Variants in RASIP1 observed in about 807,000 individuals in gnomAD.
RASIP1 encodes Ras interacting protein 1.
A neutral mutation model predicts 85.3 loss-of-function variants in RASIP1; 20 were observed. The observed-to-expected ratio is 0.23, with a 90% CI of 0.17 to 0.34. RASIP1 has a LOEUF of 0.34. RASIP1 is among the 10% of genes least tolerant of loss of function. The pLI, the probability that RASIP1 is intolerant of heterozygous loss-of-function variation, is 1.00. For missense variants in RASIP1, 1,170 were observed against 1,390.9 expected (o/e 0.84, Z 2.53); for synonymous variants, 617 against 647.1 (o/e 0.95, Z 0.71).
In RASIP1 at chr19:48,724,133, C is replaced by T. The variant is rs573981296; in HGVS notation, c.2544+204G>A. The stretch of plus-strand genomic sequence containing the variant: ...TGGAAACTATTTTTAATAAGTTCCA[C>T]CAGGATTCAGACACAGCCGAGTTTA... On this transcript the variant is annotated intron_variant, in intron 10 of 11. Coordinates refer to ENST00000222145, the MANE Select transcript of RASIP1 (RefSeq NM_017805.3). The surrounding 1 kb of genome is among the most constrained non-coding windows in gnomAD (Gnocchi z 4.6). Among the ~76,000 whole-genome samples, 8 of 152,318 alleles carry T rather than the reference C, an allele frequency of 5.3e-5. No individual in the cohort carries two copies. In the South Asian group the frequency reaches 1.7e-3, roughly 32 times the overall value.
intron 4 of RASIP1, 116 bp from the exon 5 acceptor site, chr19:48,729,706 CTTCTTTTTTTTTTT>C: frequency 8.4e-6 from 5 of 594,096 alleles, no homozygotes; most frequent in Non-Finnish European, 1.1e-5. Flanking sequence ...TTTCCTTCTT[CTTCTTTTTTTTTTT>C]TTTTTTTTTT....
At chr19:48,732,111 G>A (rs890280607) in intron 4 of RASIP1, among the ~76,000 whole-genome samples, 12 of 148,612 alleles carry the variant, frequency 8.1e-5, no homozygotes, top group Admixed American at 4.8e-4. Context: ...TCTGTCATCA[G>A]ACTGGAGTGC....
chr19:48,735,843 T>G (rs1426745323), intron 3 of RASIP1, among the ~76,000 whole-genome samples: 3 of 151,860 alleles, frequency 2.0e-5, no homozygotes, highest in East Asian at 3.9e-4. Flanking sequence ...TCGCCCAGGC[T>G]GGAGTGCAGT....
At position 48,725,871 on chromosome 19, in the gene RASIP1, C is replaced by A. The variant is rs547158076; in HGVS notation, c.2128-911G>T. On this transcript the variant is annotated intron_variant, in intron 8 of 11. Transcript: ENST00000222145. ...CAGAAGGTGGTAATGGTGATGTTAC[C>A]AAGTAGTGAGGTCAGCCTGTCAAAA... 2.6e-5 allele frequency among the ~76,000 whole-genome samples: 4 copies of A among 151,558 alleles called. No homozygotes were observed. The East Asian group carries it at 7.7e-4, about 29-fold the overall frequency.
At chr19:48,728,547 C>T (rs1209119173) in intron 5 of RASIP1, among the ~76,000 whole-genome samples, 2 of 152,054 alleles carry the variant, frequency 1.3e-5, no homozygotes, top group Non-Finnish European at 2.9e-5. Flanking sequence ...GGGCGAACCA[C>T]GAGGTCAGGA....
At position 48,728,920 on chromosome 19, in the gene RASIP1, G is replaced by C. The variant is rs1439326885; in HGVS notation, c.1833+17C>G. ...TGGGGCGCTGGTGGGGCTGGACGGC[G>C]ATTGGGGGGCGCTCACCCAGACGGC... On this transcript the variant is annotated intron_variant, in intron 5 of 11. Coordinates refer to ENST00000222145, the MANE Select transcript of RASIP1 (RefSeq NM_017805.3). 6 of 1,433,858 alleles carry C rather than the reference G, an allele frequency of 4.2e-6. No homozygotes were observed. The highest frequency in any genetic ancestry group is 3.6e-6 in the Non-Finnish European group (4 of 1,103,914). The allele number at this position is 1,433,858 out of a possible 1,614,324, so 88.8% of individuals were successfully genotyped here.
Position 48,720,918 on chromosome 19 carries a change from T to C in RASIP1, c.2772A>G (p.Pro924=), listed in dbSNP as rs35799412. Residue 924 remains proline (P), a synonymous_variant, in exon 12 of 12, where the codon CCA becomes CCG. Coordinates refer to ENST00000222145, the MANE Select transcript of RASIP1 (RefSeq NM_017805.3). ...LGSSRLRLTG[P]VTDDALHREL... ...CACGGTGCAAGGCATCGTCCGTCAC[T>C]GGACCAGTGAGGCGCAGGCGCGAGC... The C allele has an allele frequency of 6.8e-6, 11 of 1,613,708 alleles. No homozygotes were observed. Among genetic ancestry groups the C allele is most frequent in the Non-Finnish European group, 9.3e-6 (11 of 1,179,950 alleles).
At chr19:48,733,593 G>A (rs56895832) in intron 4 of RASIP1, among the ~76,000 whole-genome samples, 2 of 151,926 alleles carry the variant, frequency 1.3e-5, no homozygotes, top group Non-Finnish European at 2.9e-5. Context: ...ATCACTTGAG[G>A]TCAGGAGTTC....
Position 48,735,557 on chromosome 19 carries a change from G to T in RASIP1, c.824-6C>A, listed in dbSNP as rs2033554865. ...CCACGAAGGGGCGCCGGTGCCTGCG[G>T]AGAGATGGAGAACAGTGAGGCTGAG... On this transcript the variant is annotated splice_polypyrimidine_tract_variant and splice_region_variant and intron_variant, in intron 3 of 11. Transcript: ENST00000222145. 6.5e-7 allele frequency: 1 copy of T among 1,527,626 alleles called. No homozygotes were observed. The highest frequency in any genetic ancestry group is 1.2e-5 in the South Asian group (1 of 82,312). The allele number at this position is 1,527,626 out of a possible 1,614,324, so 94.6% of individuals were successfully genotyped here. A position where few individuals can be genotyped will look rare whatever the true frequency, so the allele number is the denominator to read the frequency against.
At position 48,720,994 on chromosome 19, in the gene RASIP1, T is replaced by A. The variant is rs375759268; in HGVS notation, c.2696A>T (p.Asp899Val). Reference protein sequence around the residue: ...PAEREAVDTGDIFESFSSHPP... With the variant: ...PAEREAVDTGVIFESFSSHPP... ...GTGCGAGGAGAAGCTTTCGAAGATGTCCCCTGTGAGGCCGAAGGCGGCGCG... is the reference window on the plus strand; with the variant it reads ...GTGCGAGGAGAAGCTTTCGAAGATGACCCCTGTGAGGCCGAAGGCGGCGCG... The change falls in exon 12 of 12, where the codon GAC becomes GTC. Residue 899 changes from aspartate to valine, a missense_variant. Transcript: ENST00000222145. 2 of 1,596,990 alleles carry A rather than the reference T, an allele frequency of 1.3e-6. No individual in the cohort carries two copies. Among genetic ancestry groups the A allele is most frequent in the African/African-American group, 1.3e-5 (1 of 74,542 alleles).
At chr19:48,722,150 C>G (rs938305063) in intron 10 of RASIP1, 149 bp from the exon 11 acceptor site, 2 of 738,740 alleles carry the variant, frequency 2.7e-6, no homozygotes, top group Non-Finnish European at 3.9e-6. Flanking sequence ...TGTTTATCAC[C>G]AAAGTGATGG....
At chr19:48,731,821 G>A (rs576228871) in intron 4 of RASIP1, among the ~76,000 whole-genome samples, 2 of 152,292 alleles carry the variant, frequency 1.3e-5, no homozygotes, top group South Asian at 4.1e-4. Flanking sequence ...TCTGAAGGTA[G>A]ACTCTCCTGT....
chr19:48,725,019 G>T lies in RASIP1; in HGVS notation c.2128-59C>A, dbSNP rs2033317650. ...GACTACAACTCCCAGGAAGCTTCAG[G>T]GTAATAGAGCATGAAGATAGTGGGG... On this transcript the variant is annotated intron_variant, in intron 8 of 11. Transcript: ENST00000222145. 4.5e-6 allele frequency: 7 copies of T among 1,569,812 alleles called. No homozygotes were observed. The Admixed American group carries it at 1.2e-4, about 28-fold the overall frequency.
chr19:48,735,444 C>T lies in RASIP1; in HGVS notation c.931G>A (p.Gly311Arg), dbSNP rs1456106333. 3 of 1,600,622 alleles carry T rather than the reference C, an allele frequency of 1.9e-6. No individual in the cohort carries two copies. The Admixed American group carries it at 5.1e-5, about 27-fold the overall frequency. The change falls in exon 4 of 12, where the codon GGG becomes AGG. Residue 311 changes from glycine (G) to arginine (R), a missense_variant. Physicochemically the swap from Gly to Arg is moderately radical, Grantham distance 125 (BLOSUM62 -2). Transcript: ENST00000222145. The part of the protein sequence containing the change: ...GPGTGSGAPA[G>R]SGGKERSENL... ...TCTGAGCGCTCCTTGCCTCCAGACC[C>T]AGCTGGGGCCCCTGATCCGGTCCCC...
Position 48,720,897 on chromosome 19 carries a change from G to T in RASIP1, c.2793C>A (p.His931Gln), listed in dbSNP as rs773516310. ...LTGPVTDDAL[H>Q]RELRRLRRLL... ...GGCGGCGGAGCCTACGGAGTTCACGGTGCAAGGCATCGTCCGTCACTGGAC... is the reference window on the plus strand; with the variant it reads ...GGCGGCGGAGCCTACGGAGTTCACGTTGCAAGGCATCGTCCGTCACTGGAC... Residue 931 changes from histidine to glutamine, a missense_variant, in exon 12 of 12, where the codon CAC becomes CAA. Physicochemically the swap from His to Gln is conservative, Grantham distance 24. Transcript: ENST00000222145. 1 of 1,613,942 alleles carries T rather than the reference G, an allele frequency of 6.2e-7. No homozygotes were observed. The highest frequency in any genetic ancestry group is 1.1e-5 in the South Asian group (1 of 91,090).
chr19:48,724,410 A>G lies in RASIP1; in HGVS notation c.2471T>C (p.Ile824Thr), dbSNP rs1294367551. 6.2e-7 allele frequency: 1 copy of G among 1,614,046 alleles called. No homozygotes were observed. Among genetic ancestry groups the G allele is most frequent in the Non-Finnish European group, 8.5e-7 (1 of 1,180,034 alleles). The change falls in exon 10 of 12, where the codon ATT (isoleucine) becomes ACT (threonine). Residue 824 changes from isoleucine (I) to threonine (T), a missense_variant. Coordinates refer to ENST00000222145, the MANE Select transcript of RASIP1 (RefSeq NM_017805.3). This position sits in a 1 kb window ranked among gnomAD's most constrained non-coding sequence, Gnocchi z 4.6. ...GAGTTTCCGGAAGAACTCAGTGGCA[A>G]TGTCGCCCAGCCCAGCTCCCTGTAG... ...DWLQGAGLGD[I>T]ATEFFRKLSM...
rs143538575 is a variant in RASIP1 at position 48,732,544 on chromosome 19, G to A, written c.1179+2652C>T. On this transcript the variant is annotated intron_variant, in intron 4 of 11. Transcript: ENST00000222145. The stretch of plus-strand genomic sequence containing the variant: ...GCTGAGATTACAGGCATGAGCCACC[G>A]CGCCCAGCCTGTTTTCCGTTTTTTA... Among the ~76,000 whole-genome samples, 554 of 151,942 alleles carry A rather than the reference G, an allele frequency of 3.6e-3. 2 individuals carry two copies. The highest frequency in any genetic ancestry group is 0.013 in the African/African-American group (521 of 41,438).
chr19:48,727,111 G>C lies in RASIP1; in HGVS notation c.1919C>G (p.Ser640Cys). ...CAGCATGAGTGGCCGCAGCTCCACAGACACAGCTTCAGGAGTCAGGGGCAC... is the reference window on the plus strand; with the variant it reads ...CAGCATGAGTGGCCGCAGCTCCACACACACAGCTTCAGGAGTCAGGGGCAC... Reference protein sequence around the residue: ...PEVPLTPEAVSVELRPLMLWM... With the variant: ...PEVPLTPEAVCVELRPLMLWM... Residue 640 changes from serine (S) to cysteine (C), a missense_variant, in exon 7 of 12, where the codon TCT (serine) becomes TGT (cysteine). By Grantham distance (112) the Ser-to-Cys change is moderately radical. This residue lies in a region of RASIP1 where 426 missense variants were observed against 576.2 expected (regional missense o/e 0.74). Coordinates refer to ENST00000222145, the MANE Select transcript of RASIP1 (RefSeq NM_017805.3). 1 of 1,614,228 alleles carries C rather than the reference G, an allele frequency of 6.2e-7. No homozygotes were observed. The highest frequency in any genetic ancestry group is 8.5e-7 in the Non-Finnish European group (1 of 1,180,032).
chr19:48,732,046 A>AT (rs1250722952), intron 4 of RASIP1, among the ~76,000 whole-genome samples: 2 of 148,248 alleles, frequency 1.3e-5, no homozygotes, highest in African/African-American at 4.9e-5. Context: ...TTCAAATGAA[A>AT]CCTTTTTTTT....
Sources: gnomAD v4.1 joint callset for allele counts (sites outside exome capture counted in the v4.1 genomes callset) on GRCh38, gnomAD v4.1.1 for gene constraint, gnomAD v4.1.1 regional missense constraint, Gnocchi (gnomAD v3.1) non-coding constraint, MANE v1.5 for transcripts, NCBI Gene and HGNC (gene_info 2026-07-23, HGNC 2026-07-21) for gene names.